The following SLIT3 variants were observed in gnomAD, a reference collection of about 807,000 sequenced individuals.
SLIT3 encodes the protein slit guidance ligand 3.
Under a neutral mutation model 184.0 loss-of-function variants are expected in SLIT3, and 68 were observed. The observed-to-expected ratio is 0.37, with a 90% confidence interval of 0.30 to 0.45. The LOEUF (loss-of-function observed/expected upper bound fraction) is 0.45, where lower values mean the gene tolerates loss of function less well. Ranked by LOEUF, SLIT3 falls within the 20% of genes least tolerant of loss-of-function variation. The pLI is 1.00. For synonymous variants in SLIT3, 831 were observed against 828.6 expected (o/e 1.00, Z -0.05); for missense variants, 1,707 against 2,026.0 (o/e 0.84, Z 3.02).
intron 4 of SLIT3, among the ~76,000 whole-genome samples, chr5:168,896,318 AATT>A (rs1760661208): frequency 6.6e-6 from 1 of 152,112 alleles, no homozygotes; most frequent in Non-Finnish European, 1.5e-5. Context: ...TACGTGCGGG[AATT>A]ATTATAAAAT....
chr5:168,728,494 G>T (rs1581012271), intron 20 of SLIT3, among the ~76,000 whole-genome samples: 1 of 151,986 alleles, frequency 6.6e-6, no homozygotes, highest in Non-Finnish European at 1.5e-5. Context: ...GCCAGGTAAA[G>T]AATTGAAAAT....
chr5:169,142,817 G>C (rs1405045092), intron 4 of SLIT3, among the ~76,000 whole-genome samples: 1 of 152,240 alleles, frequency 6.6e-6, no homozygotes, highest in Non-Finnish European at 1.5e-5. Flanking sequence ...CTTGGCCACA[G>C]TAATTGGTCC....
intron 4 of SLIT3, among the ~76,000 whole-genome samples, chr5:169,143,707 C>G (rs1246287540): frequency 1.3e-5 from 2 of 152,026 alleles, no homozygotes; most frequent in Non-Finnish European, 2.9e-5. Flanking sequence ...AGGCTGAGGC[C>G]CGAGAATCAC....
intron 3 of SLIT3, 134 bp downstream of exon 3, chr5:169,244,571 C>T: frequency 1.4e-6 from 1 of 696,414 alleles, no homozygotes; most frequent in Admixed American, 2.4e-5. Flanking sequence ...AGTATAATAG[C>T]AAACATTCTA....
intron 3 of SLIT3, among the ~76,000 whole-genome samples, chr5:169,239,892 T>G (rs1765336514): frequency 6.6e-6 from 1 of 152,108 alleles, no homozygotes; most frequent in Non-Finnish European, 1.5e-5. Context: ...ATACCATGAA[T>G]TGAATAATAT....
chr5:168,771,291 T>G (rs1755542090), intron 14 of SLIT3, among the ~76,000 whole-genome samples: 1 of 152,152 alleles, frequency 6.6e-6, no homozygotes, highest in South Asian at 2.1e-4. Flanking sequence ...GAGGACAGTG[T>G]TCAGGGAGCG....
chr5:169,236,567 T>C (rs1250407726), intron 3 of SLIT3, among the ~76,000 whole-genome samples: 1 of 151,836 alleles, frequency 6.6e-6, no homozygotes, highest in Non-Finnish European at 1.5e-5. Flanking sequence ...GCCACCTGGG[T>C]TCAAGTGATT....
intron 4 of SLIT3, among the ~76,000 whole-genome samples, chr5:169,165,484 A>G (rs1762608510): frequency 6.6e-6 from 1 of 152,346 alleles, no homozygotes; most frequent in Admixed American, 6.5e-5. Context: ...AGCACATACT[A>G]TGCATCTTGC....
Position 168,856,800 on chromosome 5 carries a change from T to C in SLIT3, c.486-12145A>G, listed in dbSNP as rs1006142594. On this transcript the variant is annotated intron_variant, in intron 5 of 35. Coordinates refer to ENST00000519560, the MANE Select transcript of SLIT3 (RefSeq NM_003062.4). ...GTGTGTGTGTGTGTGTGTGTGTGTG[T>C]GTGTGTGCGCGCGCGCGCACGCCTT... 2.6e-3 allele frequency among the ~76,000 whole-genome samples: 368 copies of C among 141,532 alleles called. 1 individual carries two copies. The highest frequency in any genetic ancestry group is 9.4e-3 in the African/African-American group (323 of 34,524). The allele number at this position is 141,532 out of a possible 152,430, so 92.9% of individuals were successfully genotyped here. A position where few individuals can be genotyped will look rare whatever the true frequency, so the allele number is the denominator to read the frequency against.
intron 15 of SLIT3, among the ~76,000 whole-genome samples, chr5:168,761,201 G>T (rs1253458063): frequency 6.6e-6 from 1 of 152,134 alleles, no homozygotes; most frequent in African/African-American, 2.4e-5. Flanking sequence ...GGCATGCGTT[G>T]TTTTCAGCAC....
chr5:169,000,703 A>G (rs1341329256), intron 4 of SLIT3, among the ~76,000 whole-genome samples: 1 of 152,210 alleles, frequency 6.6e-6, no homozygotes, highest in Non-Finnish European at 1.5e-5. Flanking sequence ...ATGGTCAGAA[A>G]TTACCTTCAC....
chr5:169,146,424 C>T (rs2113357125), intron 4 of SLIT3, among the ~76,000 whole-genome samples: 1 of 152,318 alleles, frequency 6.6e-6, no homozygotes, highest in South Asian at 2.1e-4. Flanking sequence ...CCTGATGCCT[C>T]CCGGGATTCC....
At chr5:168,920,295 C>A (rs1248234012) in intron 4 of SLIT3, among the ~76,000 whole-genome samples, 1 of 152,150 alleles carries the variant, frequency 6.6e-6, no homozygotes, top group Non-Finnish European at 1.5e-5. Context: ...TTTTAGCGAG[C>A]TGGAGCCTCT....
At chr5:168,894,360 AG>A (rs1279737011) in intron 4 of SLIT3, among the ~76,000 whole-genome samples, 1 of 152,230 alleles carries the variant, frequency 6.6e-6, no homozygotes, top group Non-Finnish European at 1.5e-5. Context: ...AAAAAATTTA[AG>A]TGGATAAAAA....
intron 16 of SLIT3, among the ~76,000 whole-genome samples, chr5:168,755,376 C>A (rs1024135532): frequency 7.4e-6 from 1 of 135,934 alleles, no homozygotes; most frequent in East Asian, 2.2e-4. Flanking sequence ...CCTATCAAAC[C>A]CTCAGTGCCG....
intron 4 of SLIT3, among the ~76,000 whole-genome samples, chr5:169,173,449 A>T (rs1051516978): frequency 3.3e-5 from 5 of 152,178 alleles, no homozygotes; most frequent in Non-Finnish European, 5.9e-5. Context: ...CTAGAATTCC[A>T]TCGAGTCCCT....
intron 4 of SLIT3, among the ~76,000 whole-genome samples, chr5:168,915,626 T>A (rs901151879): frequency 6.6e-6 from 1 of 152,212 alleles, no homozygotes; most frequent in East Asian, 1.9e-4. Context: ...CTATTTAAAA[T>A]TGTTAATGAG....
intron 3 of SLIT3, among the ~76,000 whole-genome samples, chr5:169,242,467 T>C (rs1008097757): frequency 3.3e-5 from 5 of 152,228 alleles, no homozygotes; most frequent in African/African-American, 1.2e-4. Flanking sequence ...AGACTGGAAG[T>C]GACATGTACT....
At chr5:168,961,025 TCCTCA>T (rs1466877827) in intron 4 of SLIT3, among the ~76,000 whole-genome samples, 1 of 152,196 alleles carries the variant, frequency 6.6e-6, no homozygotes, top group African/African-American at 2.4e-5. Flanking sequence ...AAGCTCCATC[TCCTCA>T]CCTGTGTAAT....
Sources: allele counts gnomAD v4.1 joint callset (sites outside exome capture counted in the v4.1 genomes callset), GRCh38; gene constraint gnomAD v4.1.1; transcripts MANE v1.5; gene names NCBI Gene and HGNC (gene_info 2026-07-23, HGNC 2026-07-21).